RAB27A: variants seen among roughly 807,000 people sequenced by gnomAD.
The protein encoded by RAB27A is RAB27A, member RAS oncogene family, also known as ras-related protein Rab-27A.
Under a neutral mutation model 20.8 loss-of-function variants are expected in RAB27A, and 17 were observed. The observed-to-expected ratio is 0.82, with a 90% CI of 0.56 to 1.23. The LOEUF (loss-of-function observed/expected upper bound fraction) is 1.23. RAB27A is among the 50% of genes most tolerant of loss of function. The pLI is 0.00. For missense variants in RAB27A, 277 were observed against 266.7 expected, an observed-to-expected ratio of 1.04 and a Z score of -0.27; for synonymous variants, 85 against 92.8, an observed-to-expected ratio of 0.92 and a Z score of 0.48.
chr15:55,214,650 T>G (rs1895196604), intron 6 of RAB27A, among the ~76,000 whole-genome samples: 1 of 152,228 alleles, frequency 6.6e-6, no homozygotes, highest in Non-Finnish European at 1.5e-5. Flanking sequence ...TTAAACCTCC[T>G]GCTTGCCTCT....
At position 55,205,597 on chromosome 15, in the gene RAB27A, G is replaced by C; in HGVS notation, c.576C>G (p.Ser192=). Residue 192 remains serine, a synonymous_variant, in exon 7 of 7, where the codon TCC becomes TCG. Coordinates refer to ENST00000336787, the MANE Select transcript of RAB27A (RefSeq NM_183235.3). ...MKRMERCVDK[S]WIPEGVVRSN... Reference sequence around the variant, plus strand: ...ATCGCACCACTCCTTCAGGAATCCAGGACTTGTCCACACACCGTTCCATTC... The same window carrying C: ...ATCGCACCACTCCTTCAGGAATCCACGACTTGTCCACACACCGTTCCATTC... 1 of 1,614,118 alleles carries C rather than the reference G, an allele frequency of 6.2e-7. No homozygotes were observed. The highest frequency in any genetic ancestry group is 8.5e-7 in the Non-Finnish European group (1 of 1,180,024).
At chr15:55,314,967 C>T (rs1299239936) in intron 1 of RAB27A, among the ~76,000 whole-genome samples, 1 of 152,066 alleles carries the variant, frequency 6.6e-6, no homozygotes, top group Non-Finnish European at 1.5e-5. Flanking sequence ...CAACCCCAAG[C>T]AAAAAGAACA....
intron 2 of RAB27A, among the ~76,000 whole-genome samples, chr15:55,251,413 G>T (rs149368322): frequency 3.7e-4 from 57 of 152,316 alleles, no homozygotes; most frequent in African/African-American, 1.3e-3. Context: ...CAAAGAAGCA[G>T]CATCGACCAT....
chr15:55,268,430 G>A (rs184661688), intron 2 of RAB27A, among the ~76,000 whole-genome samples: 2 of 152,310 alleles, frequency 1.3e-5, no homozygotes, highest in East Asian at 3.9e-4. Flanking sequence ...AGAATGGACT[G>A]GGTGAATATG....
upstream of RAB27A, among the ~76,000 whole-genome samples, chr15:55,293,941 T>G (rs1214179125): frequency 6.6e-6 from 1 of 152,002 alleles, no homozygotes; most frequent in Non-Finnish European, 1.5e-5. Flanking sequence ...AGAAAATACA[T>G]TTAATGTTCA....
At chr15:55,238,972 CTT>C (rs1182572570) in intron 2 of RAB27A, among the ~76,000 whole-genome samples, 2 of 152,168 alleles carry the variant, frequency 1.3e-5, no homozygotes, top group African/African-American at 2.4e-5. Context: ...AACTTTCTGA[CTT>C]TGGCTAAAAC....
chr15:55,319,055 T>G, exon 1 of RAB27A: 1 of 602,978 alleles, frequency 1.7e-6, no homozygotes, highest in Non-Finnish European at 2.7e-6. Flanking sequence ...CAAAGGCGAG[T>G]AGCAATCCCT....
intron 2 of RAB27A, among the ~76,000 whole-genome samples, chr15:55,241,600 T>TATATATATATA (rs1896481032): frequency 7.3e-5 from 9 of 123,896 alleles, no homozygotes; most frequent in African/African-American, 3.8e-4. Context: ...CAAGACCTAT[T>TATATATATATA]TATATATATA....
chr15:55,251,224 G>A (rs887174062), intron 2 of RAB27A, among the ~76,000 whole-genome samples: 1 of 152,214 alleles, frequency 6.6e-6, no homozygotes, highest in Non-Finnish European at 1.5e-5. Flanking sequence ...ATCTGGGAGG[G>A]ATTTGAAATG....
chr15:55,212,064 T>C (rs150857113), intron 6 of RAB27A, among the ~76,000 whole-genome samples: 2,442 of 151,724 alleles, frequency 0.016, 37 homozygotes, highest in Middle Eastern at 0.041. Context: ...CTAGCTGATA[T>C]ATATGAGTCA....
At chr15:55,285,603 G>C (rs1455721790) in intron 1 of RAB27A, among the ~76,000 whole-genome samples, 1 of 152,154 alleles carries the variant, frequency 6.6e-6, no homozygotes, top group Non-Finnish European at 1.5e-5. Context: ...CTGACCAAGA[G>C]GCAGAAGAAC....
intron 2 of RAB27A, among the ~76,000 whole-genome samples, chr15:55,262,458 C>T (rs1002075874): frequency 4.0e-5 from 6 of 150,538 alleles, no homozygotes; most frequent in South Asian, 2.1e-4. Flanking sequence ...AGGAGAATGG[C>T]GTGAACCCGG....
intron 1 of RAB27A, chr15:55,289,459 C>G (rs951506079): frequency 6.6e-6 from 1 of 152,566 alleles, no homozygotes; most frequent in Non-Finnish European, 1.5e-5. Flanking sequence ...CACCTGGATG[C>G]AACCCGGAGG....
At chr15:55,227,753 C>G (rs1895867574) in intron 5 of RAB27A, among the ~76,000 whole-genome samples, 1 of 152,162 alleles carries the variant, frequency 6.6e-6, no homozygotes, top group African/African-American at 2.4e-5. Context: ...TTTTTAAACT[C>G]ATTTTTAATC....
chr15:55,309,518 A>T (rs2055011408), intron 2 of RAB27A, among the ~76,000 whole-genome samples: 1 of 152,218 alleles, frequency 6.6e-6, no homozygotes. Flanking sequence ...GTCTCGGGTT[A>T]ATGCCTGGCC....
At chr15:55,232,036 G>C (rs974736977) in intron 3 of RAB27A, among the ~76,000 whole-genome samples, 6 of 152,236 alleles carry the variant, frequency 3.9e-5, no homozygotes, top group African/African-American at 1.2e-4. Context: ...GATCTAAAAA[G>C]GTCCTAATCT....
At chr15:55,226,511 G>T (rs771947681) in intron 5 of RAB27A, among the ~76,000 whole-genome samples, 14 of 95,394 alleles carry the variant, frequency 1.5e-4, no homozygotes, top group Non-Finnish European at 2.6e-4. Flanking sequence ...TTATGTATTT[G>T]TGTGTGTGTG....
intron 2 of RAB27A, among the ~76,000 whole-genome samples, chr15:55,244,668 G>A (rs1031166930): frequency 3.9e-5 from 6 of 152,126 alleles, no homozygotes; most frequent in Non-Finnish European, 8.8e-5. Flanking sequence ...GTAGCTTATG[G>A]ACTTCACTTA....
In RAB27A at chr15:55,204,057, G is replaced by A. The variant is rs180880116; in HGVS notation, c.*1450C>T. Reference sequence around the variant, plus strand: ...ATATACTTGTATTTTTCTAATTACAGTTCTACCAAACATTTGCCACCACAA... The same window carrying A: ...ATATACTTGTATTTTTCTAATTACAATTCTACCAAACATTTGCCACCACAA... On this transcript the variant is annotated 3_prime_UTR_variant, in exon 7 of 7. Coordinates refer to ENST00000336787, the MANE Select transcript of RAB27A (RefSeq NM_183235.3). 6.6e-6 allele frequency: 1 copy of A among 152,050 alleles called. No homozygotes were observed. The highest frequency in any genetic ancestry group is 6.5e-5 in the Admixed American group (1 of 15,284). The allele number at this position is 152,050 out of a possible 1,614,324, so 9.4% of individuals were successfully genotyped here.
Sources: gnomAD v4.1 joint callset for allele counts (sites outside exome capture counted in the v4.1 genomes callset) on GRCh38, gnomAD v4.1.1 for gene constraint, MANE v1.5 for transcripts, NCBI Gene and HGNC (gene_info 2026-07-23, HGNC 2026-07-21) for gene names.